The following CLEC5A variants were observed in gnomAD, a reference collection of about 807,000 sequenced individuals.
The protein encoded by CLEC5A is C-type lectin domain containing 5A, also known as C-type lectin domain family 5 member A.
In CLEC5A, 15 loss-of-function variants were observed where a neutral mutation model predicts 24.4. The ratio of observed to expected loss-of-function variants is 0.62; its 90% CI spans 0.41 to 0.95. The LOEUF (loss-of-function observed/expected upper bound fraction) is 0.95, where lower values mean the gene tolerates loss of function less well. Among genes scored for constraint, CLEC5A ranks in the 40% least tolerant of loss-of-function variants. CLEC5A has a pLI of 0.00. For synonymous variants in CLEC5A, 71 were observed against 72.6 expected (o/e 0.98, Z 0.11); for missense variants, 211 against 224.0 (o/e 0.94, Z 0.37).
rs782686299 is a variant in CLEC5A, at chr7:141,945,361, G to T, written c.119C>A (p.Thr40Asn). 1.2e-6 allele frequency: 2 copies of T among 1,612,678 alleles called. No individual in the cohort carries two copies. The highest frequency in any genetic ancestry group is 1.7e-6 in the Non-Finnish European group (2 of 1,178,758). ...IFNKSNDGFT[T>N]TRSYGTVSQI... ...ATTACCTGTTCCATAGCTCCTGGTG[G>T]TGGTGAAACCATCGTTACTTTTGTT... Residue 40 changes from threonine to asparagine, a missense_variant, in exon 3 of 7, where the codon ACC becomes AAC. Physicochemically the swap from Thr to Asn is moderately conservative, Grantham distance 65. Coordinates refer to ENST00000546910, the MANE Select transcript of CLEC5A (RefSeq NM_013252.3).
intron 4 of CLEC5A, among the ~76,000 whole-genome samples, chr7:141,941,107 C>A (rs548532083): frequency 6.6e-6 from 1 of 152,136 alleles, no homozygotes; most frequent in Admixed American, 6.5e-5. Context: ...GATACCAAAA[C>A]CAGACTAAGA....
chr7:141,928,094 A>G lies in CLEC5A; in HGVS notation c.*2010T>C, dbSNP rs1802350885. 6.6e-6 allele frequency: 1 copy of G among 151,994 alleles called. No individual in the cohort carries two copies. Among genetic ancestry groups the G allele is most frequent in the Admixed American group, 6.6e-5 (1 of 15,262 alleles). The allele number at this position is 151,994 out of a possible 1,614,324, so 9.4% of individuals were successfully genotyped here. A position where few individuals can be genotyped will look rare whatever the true frequency, so the allele number is the denominator to read the frequency against. On this transcript the variant is annotated 3_prime_UTR_variant, in exon 7 of 7. Transcript: ENST00000546910. Reference sequence around the variant, plus strand: ...TTTTTAAAGCATGCCACTGCTATCTAATAAAGATCACATTTATCTAAGCTT... The same window carrying G: ...TTTTTAAAGCATGCCACTGCTATCTGATAAAGATCACATTTATCTAAGCTT...
At chr7:141,931,999 A>G (rs1199557764) in intron 5 of CLEC5A, 173 bp from the exon 6 acceptor site, 8 of 482,446 alleles carry the variant, frequency 1.7e-5, no homozygotes, top group Non-Finnish European at 2.6e-5. Context: ...CAAGATTCAG[A>G]GGGAATTTGG....
chr7:141,939,849 T>A (rs1554441469), intron 4 of CLEC5A, among the ~76,000 whole-genome samples: 1 of 152,108 alleles, frequency 6.6e-6, no homozygotes. Flanking sequence ...AGGAGGTCAC[T>A]GTATAATGAT....
At position 141,930,147 on chromosome 7, in the gene CLEC5A, C is replaced by T. The variant is rs372346383; in HGVS notation, c.524G>A (p.Cys175Tyr). Residue 175 changes from cysteine (C) to tyrosine (Y), a missense_variant, in exon 7 of 7, where the codon TGT becomes TAT. By Grantham distance (194) the Cys-to-Tyr change is radical. Coordinates refer to ENST00000546910, the MANE Select transcript of CLEC5A (RefSeq NM_013252.3). Reference protein sequence around the residue: ...GLTKTFDAASCDISYRRICEK... With the variant: ...GLTKTFDAASYDISYRRICEK... The stretch of plus-strand genomic sequence containing the variant: ...ACAGATCCTGCGGTAGCTGATGTCA[C>T]ATGATGCAGCATCAAATGTCTTTGT... The T allele has an allele frequency of 1.9e-6, 3 of 1,614,052 alleles. No individual in the cohort carries two copies. The African/African-American group carries it at 4.0e-5, about 22-fold the overall frequency.
chr7:141,946,166 G>A, intron 2 of CLEC5A, 48 bp downstream of exon 2: 1 of 1,534,556 alleles, frequency 6.5e-7, no homozygotes, highest in Non-Finnish European at 8.8e-7. Context: ...AAGAGTCAAT[G>A]AGCAAGACAA....
chr7:141,934,613 G>GTTTTTTTTTTTTT (rs577797546), intron 5 of CLEC5A, among the ~76,000 whole-genome samples: 3 of 61,800 alleles, frequency 4.9e-5, no homozygotes, highest in African/African-American at 1.9e-4. Context: ...TTTCTTTAAC[G>GTTTTTTTTTTTTT]TTTTTTTTTT....
At chr7:141,940,437 G>T (rs569857145) in intron 4 of CLEC5A, among the ~76,000 whole-genome samples, 1 of 151,544 alleles carries the variant, frequency 6.6e-6, no homozygotes, top group Non-Finnish European at 1.5e-5. Flanking sequence ...TAAGACGGAA[G>T]TTTATACCTA....
intron 3 of CLEC5A, 29 bp from the exon 4 acceptor site, chr7:141,943,993 T>A (rs1554441875): frequency 1.5e-6 from 2 of 1,358,150 alleles, no homozygotes; most frequent in African/African-American, 1.4e-5. Flanking sequence ...CTAAAGGTTA[T>A]GGTATGATGA....
At chr7:141,943,461 G>T (rs1802858606) in intron 4 of CLEC5A, among the ~76,000 whole-genome samples, 1 of 151,954 alleles carries the variant, frequency 6.6e-6, no homozygotes, top group Non-Finnish European at 1.5e-5. Flanking sequence ...GGGAGAAGTG[G>T]GGCTTGTTAA....
At chr7:141,931,575 G>T in intron 6 of CLEC5A, 145 bp downstream of exon 6, 1 of 559,294 alleles carries the variant, frequency 1.8e-6, no homozygotes. Context: ...TGTGTCTCAG[G>T]GAATAGATGG....
intron 1 of CLEC5A, 98 bp from the exon 2 acceptor site, chr7:141,946,410 G>T: frequency 8.9e-7 from 1 of 1,124,360 alleles, no homozygotes; most frequent in Non-Finnish European, 1.3e-6. Flanking sequence ...CCAAAGCAAG[G>T]CAGGCTTGGA....
In CLEC5A at chr7:141,935,807, T is replaced by TAAAG; in HGVS notation, c.345+6_345+7insCTTT. The TAAAG allele has an allele frequency of 6.2e-7, 1 of 1,613,954 alleles. No homozygotes were observed. Among genetic ancestry groups the TAAAG allele is most frequent in the South Asian group, 1.1e-5 (1 of 91,078 alleles). ...GTGGCTTTACTGTACCATTCCAGTG[T>TAAAG]TCTCACCAGTTTCTCTGGCGTGTTG... On this transcript the variant is annotated splice_region_variant and intron_variant, in intron 5 of 6. Coordinates refer to ENST00000546910, the MANE Select transcript of CLEC5A (RefSeq NM_013252.3).
At chr7:141,934,718 T>A (rs1802569087) in intron 5 of CLEC5A, among the ~76,000 whole-genome samples, 1 of 138,906 alleles carries the variant, frequency 7.2e-6, no homozygotes, top group African/African-American at 2.7e-5. Context: ...CTCCGCCTCC[T>A]GGATTCAAGC....
At chr7:141,939,703 A>G (rs1554441452) in intron 4 of CLEC5A, among the ~76,000 whole-genome samples, 3 of 152,132 alleles carry the variant, frequency 2.0e-5, no homozygotes, top group Non-Finnish European at 4.4e-5. Flanking sequence ...CACTCCACCT[A>G]TAAAGACACA....
rs116025840 is a variant in CLEC5A at position 141,939,278 on chromosome 7, C to T, written c.209-3328G>A. On this transcript the variant is annotated intron_variant, in intron 4 of 6. Coordinates refer to ENST00000546910, the MANE Select transcript of CLEC5A (RefSeq NM_013252.3). ...CAATAAAAAGTTAAAAAGTGGGAGA[C>T]AAAGTTAAAATGTAGAGTTTTTATT... 7.4e-3 allele frequency among the ~76,000 whole-genome samples: 1,128 copies of T among 151,980 alleles called. 18 individuals carry two copies. Among genetic ancestry groups the T allele is most frequent in the African/African-American group, 0.026 (1,086 of 41,478 alleles).
chr7:141,940,686 CAAAA>C (rs36046482), intron 4 of CLEC5A, among the ~76,000 whole-genome samples: 1 of 144,802 alleles, frequency 6.9e-6, no homozygotes. Flanking sequence ...TTAGCCAGAC[CAAAA>C]AAAAAAAAGA....
intron 4 of CLEC5A, among the ~76,000 whole-genome samples, chr7:141,943,027 A>T (rs1195070958): frequency 1.3e-5 from 2 of 152,144 alleles, no homozygotes; most frequent in African/African-American, 4.8e-5. Flanking sequence ...GTTCCTCAAA[A>T]AACTGTAAAT....
In CLEC5A at chr7:141,935,926, T is replaced by A; in HGVS notation, c.233A>T (p.Tyr78Phe). 2.5e-6 allele frequency: 4 copies of A among 1,613,668 alleles called. No individual in the cohort carries two copies. Among genetic ancestry groups the A allele is most frequent in the Non-Finnish European group, 3.4e-6 (4 of 1,179,586 alleles). Residue 78 changes from tyrosine (Y) to phenylalanine (F), a missense_variant, in exon 5 of 7, where the codon TAT becomes TTT. Transcript: ENST00000546910. ...GTVCPKDWEFYQARCFFLSTS... is the reference protein window; with the variant it reads ...GTVCPKDWEFFQARCFFLSTS... ...GGATAAGAAAAAACATCTTGCTTGA[T>A]AAAATTCCCAGTCTTTGGGGCAGAC...
Sources: allele counts gnomAD v4.1 joint callset (sites outside exome capture counted in the v4.1 genomes callset), GRCh38; gene constraint gnomAD v4.1.1; transcripts MANE v1.5; gene names NCBI Gene and HGNC (gene_info 2026-07-23, HGNC 2026-07-21).